USP37: variants seen among roughly 807,000 people sequenced by gnomAD.
USP37 encodes ubiquitin carboxyl-terminal hydrolase 37.
Under a neutral mutation model 124.0 loss-of-function variants are expected in USP37, and 27 were observed. The ratio of observed to expected loss-of-function variants is 0.22; its 90% CI spans 0.16 to 0.30. The LOEUF (loss-of-function observed/expected upper bound fraction) is 0.30. Ranked by LOEUF, USP37 falls within the 10% of genes least tolerant of loss-of-function variation. The probability of loss-of-function intolerance (pLI) is 1.00; values close to 1 mark genes in which losing one functional copy is unlikely to be tolerated. For missense variants in USP37, 889 were observed against 1,140.4 expected, an observed-to-expected ratio of 0.78 and a Z score of 3.17; for synonymous variants, 365 against 388.0, an observed-to-expected ratio of 0.94 and a Z score of 0.70.
At chr2:218,537,199 T>C (rs1046871360) in intron 8 of USP37, among the ~76,000 whole-genome samples, 4 of 152,234 alleles carry the variant, frequency 2.6e-5, no homozygotes, top group Non-Finnish European at 5.9e-5. Flanking sequence ...ATCAATAAAT[T>C]CAGTCTATTT....
At chr2:218,508,264 T>A in intron 11 of USP37, among the ~76,000 whole-genome samples, 1 of 152,018 alleles carries the variant, frequency 6.6e-6, no homozygotes, top group East Asian at 1.9e-4. Flanking sequence ...AGTTTTCTAC[T>A]CAGTTTTTTT....
rs1559187194 is a variant in USP37 at position 218,497,829 on chromosome 2, CT to C, written c.1185del (p.Asp396IlefsTer38). ...IRRFAHLLVK[K>X]DICNSETKKD... ...TTTTTGGTCTCTGAATTACAGATATCTTTTTTAACAAGCAAGTGTGCAAAGC... is the reference window on the plus strand; with the variant it reads ...TTTTTGGTCTCTGAATTACAGATATCTTTTTAACAAGCAAGTGTGCAAAGC... On this transcript the variant is annotated frameshift_variant, in exon 13 of 26. Coordinates refer to ENST00000258399, the MANE Select transcript of USP37 (RefSeq NM_020935.3). LOFTEE classifies it high-confidence loss of function. 1 of 1,613,926 alleles carries C rather than the reference CT, an allele frequency of 6.2e-7. No homozygotes were observed. The highest frequency in any genetic ancestry group is 8.5e-7 in the Non-Finnish European group (1 of 1,180,000).
In USP37 at chr2:218,553,531, C is replaced by T. The variant is rs372173641; in HGVS notation, c.328+22G>A. 4 of 1,598,312 alleles carry T rather than the reference C, an allele frequency of 2.5e-6. No individual in the cohort carries two copies. The African/African-American group carries it at 5.4e-5, about 21-fold the overall frequency. ...GCCTTGTAAAAATACTAACGTTAGA[C>T]CCTGGGGTGATTAGTACTCACCTGC... On this transcript the variant is annotated intron_variant, in intron 5 of 25. Transcript: ENST00000258399.
At chr2:218,549,748 GC>G in intron 6 of USP37, 60 bp downstream of exon 6, 1 of 1,510,744 alleles carries the variant, frequency 6.6e-7, no homozygotes, top group South Asian at 1.2e-5. Flanking sequence ...ACAGGCGTGA[GC>G]CACTGTGCCT....
In USP37 at chr2:218,497,721, A is replaced by T; in HGVS notation, c.1281+13T>A. 6 of 1,613,626 alleles carry T rather than the reference A, an allele frequency of 3.7e-6. No homozygotes were observed. Among genetic ancestry groups the T allele is most frequent in the Middle Eastern group, 1.6e-4 (1 of 6,062 alleles). ...TCAGGCCTCTGAAACGTTTTAAAAC[A>T]ATTAATACTCACATTCTGCATATAA... On this transcript the variant is annotated intron_variant, in intron 13 of 25. Transcript: ENST00000258399.
intron 18 of USP37, among the ~76,000 whole-genome samples, chr2:218,477,404 A>G (rs777323802): frequency 1.3e-5 from 2 of 152,184 alleles, no homozygotes; most frequent in Non-Finnish European, 2.9e-5. Flanking sequence ...CCACTTATCC[A>G]CTTATCTGTA....
chr2:218,546,382 G>T (rs1471230961), intron 7 of USP37, 84 bp from the exon 8 acceptor site: 8 of 859,424 alleles, frequency 9.3e-6, no homozygotes, highest in Non-Finnish European at 1.3e-5. Context: ...TGAAGGACAG[G>T]AAATGGGACT....
intron 10 of USP37, among the ~76,000 whole-genome samples, chr2:218,526,387 C>G (rs1476888474): frequency 6.6e-6 from 1 of 152,018 alleles, no homozygotes; most frequent in Admixed American, 6.6e-5. Context: ...CACCTGCCAC[C>G]ACGCCCAGCT....
At chr2:218,563,757 TAAG>T (rs761913736) in intron 1 of USP37, among the ~76,000 whole-genome samples, 2 of 152,026 alleles carry the variant, frequency 1.3e-5, no homozygotes, top group Admixed American at 6.6e-5. Flanking sequence ...ATGCCCTCAT[TAAG>T]AAGCTCCTAG....
intron 8 of USP37, among the ~76,000 whole-genome samples, chr2:218,535,437 G>C (rs1469112876): frequency 6.6e-6 from 1 of 151,920 alleles, no homozygotes; most frequent in African/African-American, 2.4e-5. Context: ...ATCAGGCTGG[G>C]CGCGGTGGCT....
At chr2:218,479,923 A>G (rs1691159426) in intron 17 of USP37, among the ~76,000 whole-genome samples, 1 of 152,124 alleles carries the variant, frequency 6.6e-6, no homozygotes, top group South Asian at 2.1e-4. Context: ...AAGTGGGCGA[A>G]TCACCTGAGG....
rs1344301310 is a variant in USP37 at position 218,546,982 on chromosome 2, G to A, written c.539C>T (p.Ala180Val). Reference sequence around the variant, plus strand: ...AGATGTCAAAGAAGGAATCGTCCGAGCTATTCCACTTCCTGCTACAGTCTT... The same window carrying A: ...AGATGTCAAAGAAGGAATCGTCCGAACTATTCCACTTCCTGCTACAGTCTT... ...SIKTVAGSGI[A>V]RTIPSLTSTS... Residue 180 changes from alanine to valine, a missense_variant, in exon 7 of 26, where the codon GCT becomes GTT. Ala to Val is a moderately conservative substitution (Grantham distance 64). Coordinates refer to ENST00000258399, the MANE Select transcript of USP37 (RefSeq NM_020935.3). 6 of 1,613,538 alleles carry A rather than the reference G, an allele frequency of 3.7e-6. No homozygotes were observed. The highest frequency in any genetic ancestry group is 5.1e-6 in the Non-Finnish European group (6 of 1,179,882).
chr2:218,484,117 C>T (rs1691412339), intron 16 of USP37, among the ~76,000 whole-genome samples: 1 of 151,706 alleles, frequency 6.6e-6, no homozygotes. Context: ...CGAGATCATG[C>T]CACCGCATTC....
At chr2:218,492,796 C>G (rs570595052) in intron 14 of USP37, among the ~76,000 whole-genome samples, 1 of 152,206 alleles carries the variant, frequency 6.6e-6, no homozygotes, top group African/African-American at 2.4e-5. Context: ...TTGCTTGAGG[C>G]CAGTTCAAGA....
chr2:218,463,463 G>T, intron 21 of USP37, 97 bp from the exon 22 acceptor site: 2 of 1,014,608 alleles, frequency 2.0e-6, no homozygotes, highest in Non-Finnish European at 3.0e-6. Flanking sequence ...CATTTGCTAA[G>T]AATGCTTTCT....
chr2:218,469,550 C>G (rs1458632227), intron 20 of USP37, among the ~76,000 whole-genome samples: 1 of 151,970 alleles, frequency 6.6e-6, no homozygotes, highest in Non-Finnish European at 1.5e-5. Flanking sequence ...TTTTCTTAAC[C>G]AATAATTTTG....
chr2:218,479,979 C>G (rs61635635), intron 17 of USP37, among the ~76,000 whole-genome samples: 4,304 of 151,958 alleles, frequency 0.028, 202 homozygotes, highest in African/African-American at 0.098. Context: ...AACCCTGTCT[C>G]TACTAAAAAT....
rs1692785712 is a variant in USP37, at chr2:218,553,622, C to T, written c.259G>A (p.Val87Ile). The part of the protein sequence containing the change: ...QDNSFLSIDK[V>I]PSKDAEEMRL... ...ATTTCCTCTGCATCCTTACTTGGTACTTTGTCAATAGACAAGAAGCTGTTA... is the reference window on the plus strand; with the variant it reads ...ATTTCCTCTGCATCCTTACTTGGTATTTTGTCAATAGACAAGAAGCTGTTA... Residue 87 changes from valine (V) to isoleucine (I), a missense_variant, in exon 5 of 26, where the codon GTA (valine) becomes ATA (isoleucine). Physicochemically the swap from Val to Ile is conservative, Grantham distance 29. Coordinates refer to ENST00000258399, the MANE Select transcript of USP37 (RefSeq NM_020935.3). 6.2e-7 allele frequency: 1 copy of T among 1,613,930 alleles called. No individual in the cohort carries two copies. Among genetic ancestry groups the T allele is most frequent in the South Asian group, 1.1e-5 (1 of 91,040 alleles).
chr2:218,463,636 C>T (rs1274706308), intron 21 of USP37, among the ~76,000 whole-genome samples: 6 of 148,050 alleles, frequency 4.1e-5, no homozygotes, highest in Non-Finnish European at 5.9e-5. Flanking sequence ...CCTGGGTTCA[C>T]GCCATTCTCC....
Sources: gnomAD v4.1 joint callset for allele counts (sites outside exome capture counted in the v4.1 genomes callset) on GRCh38, gnomAD v4.1.1 for gene constraint, MANE v1.5 for transcripts, NCBI Gene and HGNC (gene_info 2026-07-23, HGNC 2026-07-21) for gene names.